Variants in BTD observed in about 807,000 individuals in gnomAD.
BTD encodes biocytinase.
BTD carries 13 observed loss-of-function variants against 17.7 expected under a neutral mutation model. The observed-to-expected ratio is 0.74, with a 90% CI of 0.48 to 1.17. The LOEUF is 1.17. BTD is among the 50% of genes most tolerant of loss of function. BTD has a pLI of 0.00. For synonymous variants in BTD, 240 were observed against 245.2 expected (o/e 0.98, Z 0.20); for missense variants, 674 against 650.4 (o/e 1.04, Z -0.39).
intron 1 of BTD, among the ~76,000 whole-genome samples, chr3:15,604,307 G>T (rs1326918981): frequency 6.6e-6 from 1 of 152,236 alleles, no homozygotes; most frequent in African/African-American, 2.4e-5. Flanking sequence ...TGTGGAAGCT[G>T]CCAAGGCTTC....
intron 1 of BTD, among the ~76,000 whole-genome samples, chr3:15,624,354 C>T (rs1331062075): frequency 6.6e-6 from 1 of 152,036 alleles, no homozygotes; most frequent in Non-Finnish European, 1.5e-5. Context: ...TCCCATTGTA[C>T]ATATTTATAA....
chr3:15,645,568 C>A lies in BTD; in HGVS notation c.*80C>A. 6.5e-7 allele frequency: 1 copy of A among 1,534,382 alleles called. No homozygotes were observed. Among genetic ancestry groups the A allele is most frequent in the Non-Finnish European group, 8.8e-7 (1 of 1,131,620 alleles). On this transcript the variant is annotated 3_prime_UTR_variant, in exon 4 of 4. Coordinates refer to ENST00000643237, the MANE Select transcript of BTD (RefSeq NM_001370658.1). ...CTTCCACAGGCTACAAGCCCTGGGACCATCTTTCTGCCTTAAGGGCAGGAG... is the reference window on the plus strand; with the variant it reads ...CTTCCACAGGCTACAAGCCCTGGGAACATCTTTCTGCCTTAAGGGCAGGAG...
At chr3:15,626,798 AAAG>A (rs1186547216) in intron 1 of BTD, among the ~76,000 whole-genome samples, 2 of 150,176 alleles carry the variant, frequency 1.3e-5, no homozygotes, top group East Asian at 2.2e-4. Flanking sequence ...AAAAAAAAGA[AAAG>A]AAAAGAAAAA....
At chr3:15,626,330 A>G (rs533720475) in intron 1 of BTD, among the ~76,000 whole-genome samples, 75 of 152,322 alleles carry the variant, frequency 4.9e-4, no homozygotes, top group African/African-American at 1.8e-3. Flanking sequence ...TAACTTCTTC[A>G]CAAAAGGAGC....
chr3:15,661,558 T>C (rs532353869), intron 3 of BTD, among the ~76,000 whole-genome samples: 1 of 152,348 alleles, frequency 6.6e-6, no homozygotes, highest in African/African-American at 2.4e-5. Context: ...AATAGTTCTT[T>C]ATCCGTCTTT....
At chr3:15,601,553 T>G, upstream of BTD, 1 of 1,603,944 alleles carries the variant, frequency 6.2e-7, no homozygotes, top group Non-Finnish European at 8.5e-7. Context: ...GCACGCCACC[T>G]CTGGTACTGC....
Position 15,651,401 on chromosome 3 carries a change from AG to A in BTD, c.*5917del, listed in dbSNP as rs562147788. Among the ~76,000 whole-genome samples the A allele has an allele frequency of 1.1e-3, 175 of 152,356 alleles. 1 individual carries two copies. Among genetic ancestry groups the A allele is most frequent in the African/African-American group, 4.1e-3 (169 of 41,586 alleles). Reference sequence around the variant, plus strand: ...ATTTACACAGCTGTGGGCAGGATGTAGGGGAACCCAGAAAGGATAATGCACT... The same window carrying A: ...ATTTACACAGCTGTGGGCAGGATGTAGGGAACCCAGAAAGGATAATGCACT... On this transcript the variant is annotated 3_prime_UTR_variant, in exon 4 of 4. Transcript: ENST00000643237.
At chr3:15,670,067 A>G in intron 3 of BTD, 1 of 562,232 alleles carries the variant, frequency 1.8e-6, no homozygotes, top group Non-Finnish European at 3.1e-6. Flanking sequence ...TTCCTCAGTC[A>G]GGTCTATTTC....
At chr3:15,614,117 CT>C (rs1260705355) in intron 1 of BTD, among the ~76,000 whole-genome samples, 18 of 140,922 alleles carry the variant, frequency 1.3e-4, no homozygotes, top group African/African-American at 5.0e-4. Context: ...CTCCCTCTTT[CT>C]TTCTTTCTTT....
chr3:15,641,823 A>T, intron 2 of BTD, 85 bp from the exon 3 acceptor site: 1 of 1,101,222 alleles, frequency 9.1e-7, no homozygotes, highest in Non-Finnish European at 1.4e-6. Flanking sequence ...GATGGTTGCC[A>T]AAAGAATGAA....
intron 3 of BTD, among the ~76,000 whole-genome samples, chr3:15,694,400 T>A (rs2069233101): frequency 6.6e-6 from 1 of 152,136 alleles, no homozygotes. Context: ...AGCCAACTTA[T>A]AAGGCATTCC....
intron 3 of BTD, among the ~76,000 whole-genome samples, chr3:15,682,833 C>T (rs115661246): frequency 1.1e-4 from 17 of 152,234 alleles, no homozygotes; most frequent in African/African-American, 2.6e-4. Context: ...TCTATATAGT[C>T]GCTTATTGCA....
chr3:15,659,779 T>A (rs1348794914), intron 3 of BTD, among the ~76,000 whole-genome samples: 1 of 152,164 alleles, frequency 6.6e-6, no homozygotes, highest in African/African-American at 2.4e-5. Flanking sequence ...GCCAAGTCCT[T>A]TATATGCAGT....
At chr3:15,711,153 G>T in exon 4 of BTD, 1 of 1,395,666 alleles carries the variant, frequency 7.2e-7, no homozygotes. Context: ...AAAGATAAGA[G>T]AAAACCTGCC....
intron 3 of BTD, among the ~76,000 whole-genome samples, chr3:15,666,870 G>T (rs140532427): frequency 2.6e-5 from 4 of 152,150 alleles, no homozygotes; most frequent in Non-Finnish European, 5.9e-5. Context: ...CTTCCATGAC[G>T]CCTGTTCTGA....
rs997282585 is a variant in BTD, at chr3:15,652,949, G to T, written c.*7461G>T. On this transcript the variant is annotated 3_prime_UTR_variant, in exon 4 of 4. Transcript: ENST00000643237. ...TAGAGGGAGAACAACAAAAAGAAGG[G>T]TCCATGCTGAACAAACTTGTTTGCT... Among the ~76,000 whole-genome samples, 1 of 151,648 alleles carries T rather than the reference G, an allele frequency of 6.6e-6. No individual in the cohort carries two copies. Among genetic ancestry groups the T allele is most frequent in the African/African-American group, 2.4e-5 (1 of 40,934 alleles).
chr3:15,642,088 A>C, intron 3 of BTD, 31 bp downstream of exon 3: 1 of 1,613,008 alleles, frequency 6.2e-7, no homozygotes, highest in South Asian at 1.1e-5. Flanking sequence ...CAGTAGGCTG[A>C]GGGTACACAG....
chr3:15,707,810 G>T (rs2071659562), intron 3 of BTD: 2 of 1,296,858 alleles, frequency 1.5e-6, no homozygotes, highest in Middle Eastern at 2.6e-4. Context: ...TTAGGGCAAA[G>T]ATAATCAACA....
chr3:15,658,673 C>T (rs1343774836), downstream of BTD, among the ~76,000 whole-genome samples: 1 of 152,214 alleles, frequency 6.6e-6, no homozygotes, highest in East Asian at 1.9e-4. Context: ...AGGCAAGGCA[C>T]ACCTTCAATG....
Sources: allele counts gnomAD v4.1 joint callset (sites outside exome capture counted in the v4.1 genomes callset), GRCh38; gene constraint gnomAD v4.1.1; transcripts MANE v1.5; gene names NCBI Gene and HGNC (gene_info 2026-07-23, HGNC 2026-07-21).